Variants in TAF2 observed in about 807,000 individuals in gnomAD.
TAF2 encodes TATA-box binding protein associated factor 2, also known as transcription initiation factor TFIID subunit 2.
A neutral mutation model predicts 138.5 loss-of-function variants in TAF2; 61 were observed. The observed-to-expected ratio is 0.44, with a 90% confidence interval of 0.36 to 0.54. The LOEUF (loss-of-function observed/expected upper bound fraction) is 0.54, where lower values mean the gene tolerates loss of function less well. TAF2 is among the 20% of genes least tolerant of loss of function. TAF2 has a pLI of 0.00. For synonymous variants in TAF2, 475 were observed against 469.9 expected (o/e 1.01, Z -0.14); for missense variants, 1,090 against 1,427.9 (o/e 0.76, Z 3.81).
At chr8:119,801,455 ATG>A (rs948365258) in intron 6 of TAF2, among the ~76,000 whole-genome samples, 5 of 139,530 alleles carry the variant, frequency 3.6e-5, no homozygotes, top group African/African-American at 1.3e-4. Context: ...TTTTTTTGAG[ATG>A]TCGCTCTGTC....
chr8:119,760,447 C>A, intron 20 of TAF2, 152 bp downstream of exon 20: 1 of 857,110 alleles, frequency 1.2e-6, no homozygotes, highest in Non-Finnish European at 1.7e-6. Flanking sequence ...GTGAATTCTA[C>A]ATTTATCAAA....
At chr8:119,738,131 C>T (rs1819355506) in intron 25 of TAF2, among the ~76,000 whole-genome samples, 1 of 151,472 alleles carries the variant, frequency 6.6e-6, no homozygotes, top group South Asian at 2.1e-4. Flanking sequence ...TTTATTCTCT[C>T]TAGAGAATAT....
intron 25 of TAF2, among the ~76,000 whole-genome samples, chr8:119,740,492 A>G (rs77455679): frequency 3.7e-5 from 2 of 54,026 alleles, no homozygotes; most frequent in Non-Finnish European, 7.7e-5. Context: ...TGTCTCTACT[A>G]AAAAAAAAAA....
intron 20 of TAF2, among the ~76,000 whole-genome samples, chr8:119,758,727 A>C (rs1018225900): frequency 1.3e-4 from 20 of 152,166 alleles, no homozygotes; most frequent in African/African-American, 4.8e-4. Flanking sequence ...ATAATTTGAA[A>C]AGCTGTGTCT....
Position 119,746,767 on chromosome 8 carries a change from C to T in TAF2, c.3046G>A (p.Gly1016Ser), listed in dbSNP as rs759460103. 2.5e-6 allele frequency: 4 copies of T among 1,614,080 alleles called. No individual in the cohort carries two copies. The highest frequency in any genetic ancestry group is 1.7e-6 in the Non-Finnish European group (2 of 1,180,014). The change falls in exon 23 of 26, where the codon GGC (glycine) becomes AGC (serine). Residue 1016 changes from glycine to serine, a missense_variant. This residue lies in a region of TAF2 where 580 missense variants were observed against 719.6 expected (regional missense o/e 0.81). Transcript: ENST00000378164. ...NPTIIPESVA[G>S]NQEAANNPSS... ...GGATTATTTGCAGCTTCTTGGTTGCCTGCTACTGACTCTGGAATTATGGTA... is the reference window on the plus strand; with the variant it reads ...GGATTATTTGCAGCTTCTTGGTTGCTTGCTACTGACTCTGGAATTATGGTA...
chr8:119,757,308 T>A (rs1165625883), intron 21 of TAF2, among the ~76,000 whole-genome samples: 1 of 152,166 alleles, frequency 6.6e-6, no homozygotes, highest in African/African-American at 2.4e-5. Context: ...TTTACAGATA[T>A]GTAATATAAA....
At chr8:119,812,848 T>C (rs891622740) in intron 3 of TAF2, among the ~76,000 whole-genome samples, 2 of 151,926 alleles carry the variant, frequency 1.3e-5, no homozygotes, top group Admixed American at 6.6e-5. Flanking sequence ...CACTCATCAG[T>C]TAAATGTGGA....
At chr8:119,830,718 G>C (rs950440640) in intron 2 of TAF2, among the ~76,000 whole-genome samples, 3 of 152,168 alleles carry the variant, frequency 2.0e-5, no homozygotes, top group Non-Finnish European at 2.9e-5. Context: ...AAATCTGACA[G>C]AGAAGTTGAT....
At position 119,746,753 on chromosome 8, in the gene TAF2, A is replaced by G; in HGVS notation, c.3060T>C (p.Ala1020=). 2 of 1,614,146 alleles carry G rather than the reference A, an allele frequency of 1.2e-6. No homozygotes were observed. The highest frequency in any genetic ancestry group is 2.7e-5 in the African/African-American group (2 of 75,030). Residue 1020 remains alanine (A), a synonymous_variant, in exon 23 of 26, where the codon GCT becomes GCC. Coordinates refer to ENST00000378164, the MANE Select transcript of TAF2 (RefSeq NM_003184.4). ...IPESVAGNQE[A]ANNPSSHPQL... Reference sequence around the variant, plus strand: ...GTGGGTGACTGCTTGGATTATTTGCAGCTTCTTGGTTGCCTGCTACTGACT... The same window carrying G: ...GTGGGTGACTGCTTGGATTATTTGCGGCTTCTTGGTTGCCTGCTACTGACT...
chr8:119,821,894 C>G (rs1237946076), intron 2 of TAF2, among the ~76,000 whole-genome samples: 1 of 151,962 alleles, frequency 6.6e-6, no homozygotes, highest in Non-Finnish European at 1.5e-5. Flanking sequence ...AAAAAATTAG[C>G]CAGGCATGGT....
intron 2 of TAF2, among the ~76,000 whole-genome samples, chr8:119,825,734 G>C (rs1826053669): frequency 6.6e-6 from 1 of 152,138 alleles, no homozygotes; most frequent in African/African-American, 2.4e-5. Context: ...GCCCAGGCTG[G>C]AGGGCAGTGG....
intron 20 of TAF2, among the ~76,000 whole-genome samples, chr8:119,760,039 A>G (rs1358836709): frequency 6.6e-6 from 1 of 151,682 alleles, no homozygotes; most frequent in Non-Finnish European, 1.5e-5. Context: ...GCCCCCCCAG[A>G]GTATTCTGTT....
rs1416092876 is a variant in TAF2, at chr8:119,739,197, G to A, written c.3337+3337C>T. Among the ~76,000 whole-genome samples, 6 of 151,978 alleles carry A rather than the reference G, an allele frequency of 3.9e-5. No homozygotes were observed. The East Asian group carries it at 1.2e-3, about 29-fold the overall frequency. ...CCCCTTGCCCGGCCTCTCTTCTCCAGCACTGCAATCCCTACAGTAACCTGG... is the reference window on the plus strand; with the variant it reads ...CCCCTTGCCCGGCCTCTCTTCTCCAACACTGCAATCCCTACAGTAACCTGG... On this transcript the variant is annotated intron_variant, in intron 25 of 25. Coordinates refer to ENST00000378164, the MANE Select transcript of TAF2 (RefSeq NM_003184.4).
At position 119,806,170 on chromosome 8, in the gene TAF2, G is replaced by A; in HGVS notation, c.418+113C>T. ...ACCCGCCTCAGCCTCCCAAAGTGCT[G>A]GGATTACAGGCATGAGGCACAGTGC... On this transcript the variant is annotated intron_variant, in intron 4 of 25. Coordinates refer to ENST00000378164, the MANE Select transcript of TAF2 (RefSeq NM_003184.4). The A allele has an allele frequency of 8.5e-6, 8 of 945,882 alleles. No individual in the cohort carries two copies. The South Asian group carries it at 9.0e-5, about 11-fold the overall frequency. 58.6% of individuals were successfully genotyped at this position (945,882 alleles called of 1,614,324 possible). A position where few individuals can be genotyped will look rare whatever the true frequency, so the allele number is the denominator to read the frequency against.
At chr8:119,785,122 C>T (rs545934785) in intron 15 of TAF2, 79 bp downstream of exon 15, 207 of 1,158,386 alleles carry the variant, frequency 1.8e-4, no homozygotes, top group South Asian at 4.2e-4. Flanking sequence ...CAGTTATACA[C>T]TTTTACGTAC....
At chr8:119,801,101 A>C (rs887342019) in intron 6 of TAF2, among the ~76,000 whole-genome samples, 1 of 152,172 alleles carries the variant, frequency 6.6e-6, no homozygotes, top group African/African-American at 2.4e-5. Context: ...GAGAGAATAA[A>C]TCTTGCTCTT....
intron 18 of TAF2, 198 bp from the exon 19 acceptor site, chr8:119,762,806 A>G (rs1184005746): frequency 2.1e-6 from 1 of 471,108 alleles, no homozygotes; most frequent in Non-Finnish European, 3.7e-6. Context: ...ATAACAATAC[A>G]TTAGTTTACT....
chr8:119,829,896 G>A (rs1269545477), intron 2 of TAF2, among the ~76,000 whole-genome samples: 9 of 136,674 alleles, frequency 6.6e-5, no homozygotes, highest in Admixed American at 1.6e-4. Context: ...GTCTTGCTCC[G>A]TCGCCCAGGC....
intron 3 of TAF2, among the ~76,000 whole-genome samples, chr8:119,811,822 A>G (rs1204585000): frequency 6.6e-6 from 1 of 151,628 alleles, no homozygotes; most frequent in African/African-American, 2.4e-5. Flanking sequence ...AAAAAAAAAA[A>G]AAAAAATAAC....
Sources: gnomAD v4.1 joint callset for allele counts (sites outside exome capture counted in the v4.1 genomes callset) on GRCh38, gnomAD v4.1.1 for gene constraint, gnomAD v4.1.1 regional missense constraint, MANE v1.5 for transcripts, NCBI Gene and HGNC (gene_info 2026-07-23, HGNC 2026-07-21) for gene names.